The following TGFBR3 variants were observed in gnomAD, a reference collection of about 807,000 sequenced individuals.
TGFBR3 encodes transforming growth factor beta receptor 3.
Under a neutral mutation model 87.9 loss-of-function variants are expected in TGFBR3, and 46 were observed. The observed-to-expected ratio is 0.52, with a 90% confidence interval of 0.41 to 0.67. The LOEUF (loss-of-function observed/expected upper bound fraction) is 0.67. TGFBR3 is among the 30% of genes least tolerant of loss of function. TGFBR3 has a pLI of 0.00. For synonymous variants in TGFBR3, 381 were observed against 391.6 expected, an observed-to-expected ratio of 0.97 and a Z score of 0.32; for missense variants, 866 against 1,041.9, an observed-to-expected ratio of 0.83 and a Z score of 2.32.
Position 91,806,638 on chromosome 1 carries a change from C to T in TGFBR3, c.62-9167G>A, listed in dbSNP as rs923351495. Reference sequence around the variant, plus strand: ...CTGATTCCCCATATCACCCAGGGTTCTAATGAGGAGCGTGTGTTCAGCTGT... The same window carrying T: ...CTGATTCCCCATATCACCCAGGGTTTTAATGAGGAGCGTGTGTTCAGCTGT... On this transcript the variant is annotated intron_variant, in intron 2 of 16. Coordinates refer to ENST00000212355, the MANE Select transcript of TGFBR3 (RefSeq NM_003243.5). 8.5e-5 allele frequency among the ~76,000 whole-genome samples: 13 copies of T among 152,150 alleles called. 1 individual carries two copies. Among genetic ancestry groups the T allele is most frequent in the African/African-American group, 2.9e-4 (12 of 41,414 alleles).
chr1:91,695,511 A>G, intron 16 of TGFBR3, 161 bp downstream of exon 16: 2 of 703,504 alleles, frequency 2.8e-6, no homozygotes, highest in African/African-American at 1.8e-5. Context: ...ATGGCAAATT[A>G]TACTTTTGTG....
intron 2 of TGFBR3, among the ~76,000 whole-genome samples, chr1:91,848,915 T>C (rs1677612324): frequency 6.6e-6 from 1 of 152,190 alleles, no homozygotes; most frequent in South Asian, 2.1e-4. Flanking sequence ...GGGAGGTTGT[T>C]TTGTGTTTTA....
intron 5 of TGFBR3, among the ~76,000 whole-genome samples, chr1:91,731,871 T>G (rs1351936751): frequency 6.6e-6 from 1 of 152,202 alleles, no homozygotes; most frequent in Non-Finnish European, 1.5e-5. Context: ...GTTCAAAAGT[T>G]GATGTTATTA....
At chr1:91,728,634 G>A (rs928386746) in intron 6 of TGFBR3, among the ~76,000 whole-genome samples, 5 of 152,112 alleles carry the variant, frequency 3.3e-5, no homozygotes, top group East Asian at 1.9e-4. Flanking sequence ...GCCTGACGTC[G>A]AAGCACATTC....
chr1:91,847,603 CAA>C (rs57534144), intron 2 of TGFBR3, among the ~76,000 whole-genome samples: 2,769 of 88,204 alleles, frequency 0.031, 94 homozygotes, highest in African/African-American at 0.11. Context: ...AACTCCATCT[CAA>C]AAAAAAAAAA....
intron 2 of TGFBR3, among the ~76,000 whole-genome samples, chr1:91,896,432 T>C (rs539972237): frequency 6.6e-6 from 1 of 152,266 alleles, no homozygotes; most frequent in Non-Finnish European, 1.5e-5. Flanking sequence ...AGCTCAGGAC[T>C]TGGGAGTCAT....
At chr1:91,870,421 A>T (rs1274143669) in intron 1 of TGFBR3, among the ~76,000 whole-genome samples, 1 of 152,208 alleles carries the variant, frequency 6.6e-6, no homozygotes, top group African/African-American at 2.4e-5. Flanking sequence ...AAAATTAGAA[A>T]GGCTCAACGA....
Position 91,762,344 on chromosome 1 carries a change from C to A in TGFBR3, c.247-3594G>T, listed in dbSNP as rs141596624. Among the ~76,000 whole-genome samples the A allele has an allele frequency of 1.5e-3, 229 of 152,284 alleles. 1 individual carries two copies. Among genetic ancestry groups the A allele is most frequent in the Middle Eastern group, 6.8e-3 (2 of 294 alleles). The stretch of plus-strand genomic sequence containing the variant: ...CAGGGCCCATGAACTCCCCGTTAGG[C>A]ACCCATTAACCCAGATTAAGAACCC... On this transcript the variant is annotated intron_variant, in intron 3 of 16. Coordinates refer to ENST00000212355, the MANE Select transcript of TGFBR3 (RefSeq NM_003243.5).
rs114968476 is a variant in TGFBR3 at position 91,783,049 on chromosome 1, C to T, written c.246+14238G>A. On this transcript the variant is annotated intron_variant, in intron 3 of 16. Coordinates refer to ENST00000212355, the MANE Select transcript of TGFBR3 (RefSeq NM_003243.5). ...ATGTATCAACAAATAGAAGTTAAGC[C>T]ATAATGGGCACAAGGGGACACTTCA... Among the ~76,000 whole-genome samples, 253 of 152,268 alleles carry T rather than the reference C, an allele frequency of 1.7e-3. 2 individuals are homozygous for T. Among genetic ancestry groups the T allele is most frequent in the African/African-American group, 5.8e-3 (242 of 41,542 alleles).
At chr1:91,848,016 G>C (rs548955453) in intron 2 of TGFBR3, among the ~76,000 whole-genome samples, 57 of 152,168 alleles carry the variant, frequency 3.7e-4, no homozygotes, top group Non-Finnish European at 7.3e-4. Flanking sequence ...CCTGGTTTCT[G>C]CAGGTGCACC....
intron 2 of TGFBR3, among the ~76,000 whole-genome samples, chr1:91,855,537 GGTT>G (rs549688945): frequency 1.0e-3 from 152 of 152,294 alleles, no homozygotes; most frequent in African/African-American, 3.5e-3. Context: ...ACAGTTGGGA[GGTT>G]GTTTTGTTTT....
At chr1:91,728,206 G>A (rs1571448197) in intron 6 of TGFBR3, among the ~76,000 whole-genome samples, 1 of 152,072 alleles carries the variant, frequency 6.6e-6, no homozygotes, top group African/African-American at 2.4e-5. Flanking sequence ...CTTCAAAACT[G>A]AAGTAGGTGG....
In TGFBR3 at chr1:91,691,858, A is replaced by G. The variant is rs151058948; in HGVS notation, c.2437+3814T>C. Among the ~76,000 whole-genome samples, 650 of 152,336 alleles carry G rather than the reference A, an allele frequency of 4.3e-3. 5 individuals are homozygous for G. Among genetic ancestry groups the G allele is most frequent in the African/African-American group, 0.015 (632 of 41,572 alleles). On this transcript the variant is annotated intron_variant, in intron 16 of 16. Coordinates refer to ENST00000212355, the MANE Select transcript of TGFBR3 (RefSeq NM_003243.5). ...TTGAGACAGCTGGCAGGGTCAGCAG[A>G]AGAATTAATGATAAATACATAGAAA...
intron 2 of TGFBR3, among the ~76,000 whole-genome samples, chr1:91,807,746 GC>G (rs1571531296): frequency 6.6e-6 from 1 of 152,330 alleles, no homozygotes; most frequent in East Asian, 1.9e-4. Context: ...CTGAAGTGAA[GC>G]AGTGGCATGT....
intron 2 of TGFBR3, among the ~76,000 whole-genome samples, chr1:91,835,550 C>T (rs1677026389): frequency 6.6e-6 from 1 of 152,160 alleles, no homozygotes; most frequent in East Asian, 1.9e-4. Context: ...CCAACACAGG[C>T]CAGGCGTGGT....
At chr1:91,789,647 TTTTCTAA>T (rs1460572019) in intron 3 of TGFBR3, among the ~76,000 whole-genome samples, 15 of 152,240 alleles carry the variant, frequency 9.9e-5, no homozygotes, top group African/African-American at 3.6e-4. Flanking sequence ...TGCTTTCACT[TTTTCTAA>T]AAGTCCAAGA....
intron 8 of TGFBR3, among the ~76,000 whole-genome samples, chr1:91,720,865 T>C (rs1213591488): frequency 6.6e-6 from 1 of 152,252 alleles, no homozygotes; most frequent in African/African-American, 2.4e-5. Flanking sequence ...CACCTTCTTT[T>C]TGACAGCTAA....
intron 2 of TGFBR3, among the ~76,000 whole-genome samples, chr1:91,824,968 A>G (rs1676580794): frequency 6.6e-6 from 1 of 152,230 alleles, no homozygotes; most frequent in East Asian, 1.9e-4. Context: ...TCAAAAAATA[A>G]TAACAATAAT....
chr1:91,886,654 G>A (rs1309788367), upstream of TGFBR3, among the ~76,000 whole-genome samples: 1 of 152,124 alleles, frequency 6.6e-6, no homozygotes, highest in Non-Finnish European at 1.5e-5. Flanking sequence ...CCCCAGCAGA[G>A]CTCCCCCATG....
Sources: gnomAD v4.1 joint callset for allele counts (sites outside exome capture counted in the v4.1 genomes callset) on GRCh38, gnomAD v4.1.1 for gene constraint, MANE v1.5 for transcripts, NCBI Gene and HGNC (gene_info 2026-07-23, HGNC 2026-07-21) for gene names.